DSCAML1: variants seen among roughly 807,000 people sequenced by gnomAD.
DSCAML1 encodes the protein DS cell adhesion molecule like 1.
Under a neutral mutation model 200.5 loss-of-function variants are expected in DSCAML1, and 38 were observed. The observed-to-expected ratio is 0.19, with a 90% CI of 0.15 to 0.25. DSCAML1 has a LOEUF of 0.25. DSCAML1 is among the 10% of genes least tolerant of loss of function. The pLI, the probability that DSCAML1 is intolerant of heterozygous loss-of-function variation, is 1.00. For synonymous variants in DSCAML1, 1,215 were observed against 1,165.0 expected, an observed-to-expected ratio of 1.04 and a Z score of -0.87; for missense variants, 2,223 against 2,858.8, an observed-to-expected ratio of 0.78 and a Z score of 5.07.
intron 3 of DSCAML1, among the ~76,000 whole-genome samples, chr11:117,637,574 T>C (rs1221668129): frequency 6.6e-6 from 1 of 152,166 alleles, no homozygotes; most frequent in Non-Finnish European, 1.5e-5. Flanking sequence ...CTCAAACTCC[T>C]GACCTGGTGA....
In DSCAML1 at chr11:117,518,750, C is replaced by A. The variant is rs756562324; in HGVS notation, c.1226G>T (p.Arg409Leu). 1.2e-6 allele frequency: 2 copies of A among 1,611,372 alleles called. No homozygotes were observed. The highest frequency in any genetic ancestry group is 1.1e-5 in the South Asian group (1 of 91,052). ...AIIALEDGTP[R>L]IVSSFSEKVV... is the part of the protein sequence containing the mutation. ...CTTCTCGCTGAAGGACGAGACGATG[C>A]GGGGCGTGCCATCTGCAGGGAGCGA... The change falls in exon 7 of 33, where the codon CGC becomes CTC. Residue 409 changes from arginine to leucine, a missense_variant. By Grantham distance (102) the Arg-to-Leu change is moderately radical (BLOSUM62 -2). Transcript: ENST00000651296. The surrounding 1 kb of genome is among the most constrained non-coding windows in gnomAD (Gnocchi z 6.3).
chr11:117,572,140 G>T (rs945136082), intron 3 of DSCAML1, among the ~76,000 whole-genome samples: 2 of 152,182 alleles, frequency 1.3e-5, no homozygotes, highest in African/African-American at 4.8e-5. Context: ...TCCTAACAAA[G>T]TTGCTTTCAC....
At chr11:117,541,853 C>G (rs1380420751) in intron 3 of DSCAML1, among the ~76,000 whole-genome samples, 1 of 147,080 alleles carries the variant, frequency 6.8e-6, no homozygotes, top group Non-Finnish European at 1.5e-5. Flanking sequence ...GCTTCTGTGT[C>G]CCTCTCCGAC....
chr11:117,534,972 T>C (rs1256112445), intron 3 of DSCAML1, among the ~76,000 whole-genome samples: 1 of 152,166 alleles, frequency 6.6e-6, no homozygotes, highest in Admixed American at 6.5e-5. Context: ...GAATGAACTT[T>C]GGTTTATCTA....
rs1258135326 is a variant in DSCAML1, at chr11:117,437,463, C to G, written c.4433-54G>C. On this transcript the variant is annotated intron_variant, in intron 25 of 32. Transcript: ENST00000651296. This position sits in a 1 kb window ranked among gnomAD's most constrained non-coding sequence, Gnocchi z 5.3. ...TAGAGAGATTTGGTGGGAGGCAGGA[C>G]TGGACTGGGCTGGGCTGGAAAGGAT... 7 of 1,473,852 alleles carry G rather than the reference C, an allele frequency of 4.7e-6. No individual in the cohort carries two copies. Among genetic ancestry groups the G allele is most frequent in the Admixed American group, 1.8e-5 (1 of 55,714 alleles). The allele number at this position is 1,473,852 out of a possible 1,614,324, so 91.3% of individuals were successfully genotyped here. A position where few individuals can be genotyped will look rare whatever the true frequency, so the allele number is the denominator to read the frequency against.
rs991335001 is a variant in DSCAML1, at chr11:117,505,997, A to G, written c.1784-265T>C. 6.6e-6 allele frequency among the ~76,000 whole-genome samples: 1 copy of G among 152,122 alleles called. No homozygotes were observed. Among genetic ancestry groups the G allele is most frequent in the African/African-American group, 2.4e-5 (1 of 41,404 alleles). On this transcript the variant is annotated intron_variant, in intron 8 of 32. Coordinates refer to ENST00000651296, the MANE Select transcript of DSCAML1 (RefSeq NM_020693.4). The surrounding 1 kb of genome is among the most constrained non-coding windows in gnomAD (Gnocchi z 6.7). ...CTCTGACCTTTTGATGTGTCCTGGA[A>G]TTTGATTCATGCCTGCTGATCTCTG...
intron 3 of DSCAML1, among the ~76,000 whole-genome samples, chr11:117,640,531 G>A (rs765927419): frequency 1.3e-5 from 2 of 152,192 alleles, no homozygotes; most frequent in Non-Finnish European, 2.9e-5. Flanking sequence ...CTATCCAGGT[G>A]CTCAGGCCAA....
rs1378099508 is a variant in DSCAML1 at position 117,505,410 on chromosome 11, GA to G, written c.2062+43del. ...CTAGAGACTGCAGTAGCAGCAGGCAGAATGGGCTCCTCCCTCCCCTGAGGCT... is the reference window on the plus strand; with the variant it reads ...CTAGAGACTGCAGTAGCAGCAGGCAGATGGGCTCCTCCCTCCCCTGAGGCT... On this transcript the variant is annotated intron_variant, in intron 9 of 32. Transcript: ENST00000651296. This position sits in a 1 kb window ranked among gnomAD's most constrained non-coding sequence, Gnocchi z 6.7. 6.3e-7 allele frequency: 1 copy of G among 1,589,428 alleles called. No individual in the cohort carries two copies. The highest frequency in any genetic ancestry group is 8.5e-7 in the Non-Finnish European group (1 of 1,170,800).
chr11:117,633,894 G>C (rs572232701), intron 3 of DSCAML1, among the ~76,000 whole-genome samples: 1 of 152,118 alleles, frequency 6.6e-6, no homozygotes, highest in Non-Finnish European at 1.5e-5. Flanking sequence ...CAGGCGCTTT[G>C]GCATGTGTGG....
chr11:117,718,668 ACCC>A (rs60879756), intron 3 of DSCAML1, among the ~76,000 whole-genome samples: 263 of 25,854 alleles, frequency 0.01, 21 homozygotes, highest in Non-Finnish European at 0.019. Context: ...AATACTCAAA[ACCC>A]CCCCCCCCCC....
chr11:117,672,191 G>A (rs1029488856), intron 3 of DSCAML1, among the ~76,000 whole-genome samples: 2 of 151,768 alleles, frequency 1.3e-5, no homozygotes, highest in Non-Finnish European at 1.5e-5. Flanking sequence ...GAGCTCGGGA[G>A]GTTGGATTCT....
At chr11:117,789,309 C>T (rs1183070455) in intron 1 of DSCAML1, among the ~76,000 whole-genome samples, 1 of 152,204 alleles carries the variant, frequency 6.6e-6, no homozygotes, top group East Asian at 1.9e-4. Context: ...CCTTTCTAGA[C>T]AGGGCCTGTC....
At chr11:117,530,885 C>T (rs1351329880) in intron 4 of DSCAML1, among the ~76,000 whole-genome samples, 2 of 152,152 alleles carry the variant, frequency 1.3e-5, no homozygotes, top group Non-Finnish European at 2.9e-5. Context: ...TCTGACTTAG[C>T]GTTCATCCCC....
chr11:117,568,583 G>GACAA (rs574417387), intron 3 of DSCAML1, among the ~76,000 whole-genome samples: 126 of 149,190 alleles, frequency 8.4e-4, no homozygotes, highest in East Asian at 6.0e-3. Flanking sequence ...ACCAACAACA[G>GACAA]ACAGAGAGCC....
intron 19 of DSCAML1, among the ~76,000 whole-genome samples, chr11:117,457,425 G>A (rs1457952234): frequency 6.6e-6 from 1 of 152,186 alleles, no homozygotes; most frequent in African/African-American, 2.4e-5. Context: ...GGGGCCCCAG[G>A]GGCTCATTTC....
At chr11:117,495,146 C>A (rs2062317772) in intron 11 of DSCAML1, among the ~76,000 whole-genome samples, 1 of 152,094 alleles carries the variant, frequency 6.6e-6, no homozygotes, top group South Asian at 2.1e-4. Context: ...GGTAGGGGGG[C>A]TTCCTAGGTG....
intron 17 of DSCAML1, among the ~76,000 whole-genome samples, chr11:117,462,365 C>T (rs1441333786): frequency 6.6e-6 from 1 of 152,206 alleles, no homozygotes; most frequent in Non-Finnish European, 1.5e-5. Flanking sequence ...GCAGCCTGCC[C>T]CTCCTGAGAT....
chr11:117,752,237 C>T (rs2054617618), intron 3 of DSCAML1, among the ~76,000 whole-genome samples: 1 of 152,172 alleles, frequency 6.6e-6, no homozygotes, highest in African/African-American at 2.4e-5. Context: ...CTGAAAGTGG[C>T]TCATTATTAA....
In DSCAML1 at chr11:117,650,485, T is replaced by A. The variant is rs531436194; in HGVS notation, c.512-117963A>T. The stretch of plus-strand genomic sequence containing the variant: ...TCTCTGAGAAACTGTCCTCTCCAGC[T>A]CTTTTCCAGGACAATTAGGTAGAAA... On this transcript the variant is annotated intron_variant, in intron 3 of 32. Coordinates refer to ENST00000651296, the MANE Select transcript of DSCAML1 (RefSeq NM_020693.4). Among the ~76,000 whole-genome samples, 13 of 152,250 alleles carry A rather than the reference T, an allele frequency of 8.5e-5. No individual in the cohort carries two copies. The South Asian group carries it at 2.3e-3, about 27-fold the overall frequency.
Sources: gnomAD v4.1 joint callset for allele counts (sites outside exome capture counted in the v4.1 genomes callset) on GRCh38, gnomAD v4.1.1 for gene constraint, Gnocchi (gnomAD v3.1) non-coding constraint, MANE v1.5 for transcripts, NCBI Gene and HGNC (gene_info 2026-07-23, HGNC 2026-07-21) for gene names.